Variants in TAF5 observed in about 807,000 individuals in gnomAD.
TAF5 encodes the protein TATA-box binding protein associated factor 5.
A neutral mutation model predicts 80.9 loss-of-function variants in TAF5; 20 were observed. That is an observed-to-expected ratio of 0.25 (90% confidence interval 0.17 to 0.36). The LOEUF is 0.36. Ranked by LOEUF, TAF5 falls within the 10% of genes least tolerant of loss-of-function variation. The pLI, the probability that TAF5 is intolerant of heterozygous loss-of-function variation, is 1.00. For synonymous variants in TAF5, 388 were observed against 406.4 expected (o/e 0.95, Z 0.55); for missense variants, 863 against 1,029.4 (o/e 0.84, Z 2.21).
intron 1 of TAF5, among the ~76,000 whole-genome samples, chr10:103,369,013 C>T (rs2093352742): frequency 2.0e-5 from 3 of 146,942 alleles, no homozygotes; most frequent in South Asian, 2.1e-4. Context: ...GAAACTTGCT[C>T]TGTTGCCCAG....
chr10:103,384,953 T>G (rs1052274506), intron 7 of TAF5, among the ~76,000 whole-genome samples: 1 of 152,222 alleles, frequency 6.6e-6, no homozygotes, highest in African/African-American at 2.4e-5. Context: ...CAAAAATTGT[T>G]GAGTTTTAAG....
intron 7 of TAF5, 26 bp from the exon 8 acceptor site, chr10:103,385,300 A>G (rs765417037): frequency 1.3e-6 from 2 of 1,586,420 alleles, no homozygotes; most frequent in South Asian, 2.3e-5. Flanking sequence ...TCTGGGAGTC[A>G]AATATATCAC....
At chr10:103,370,985 A>T (rs567301402) in intron 1 of TAF5, among the ~76,000 whole-genome samples, 1 of 152,286 alleles carries the variant, frequency 6.6e-6, no homozygotes, top group African/African-American at 2.4e-5. Flanking sequence ...TCACGCCTGT[A>T]GTCCCAGCAC....
Position 103,388,862 on chromosome 10 carries a change from T to G in TAF5, c.*639T>G, listed in dbSNP as rs2093404590. 1 of 152,962 alleles carries G rather than the reference T, an allele frequency of 6.5e-6. No homozygotes were observed. The highest frequency in any genetic ancestry group is 1.9e-4 in the East Asian group (1 of 5,206). 9.5% of individuals were successfully genotyped at this position (152,962 alleles called of 1,614,324 possible). A position where few individuals can be genotyped will look rare whatever the true frequency, so the allele number is the denominator to read the frequency against. ...AGAAATTTAGCTTCCATGTTCTACT[T>G]CAGCTAAAACAGCTACATACAACCT... is the stretch of plus-strand genomic sequence containing the variant. On this transcript the variant is annotated 3_prime_UTR_variant, in exon 11 of 11. Coordinates refer to ENST00000369839, the MANE Select transcript of TAF5 (RefSeq NM_006951.5).
chr10:103,371,267 G>A (rs2093359087), intron 1 of TAF5, among the ~76,000 whole-genome samples: 1 of 151,632 alleles, frequency 6.6e-6, no homozygotes, highest in Admixed American at 6.6e-5. Context: ...AAAAGAGAGA[G>A]GAATCTTTTT....
rs756613249 is a variant in TAF5 at position 103,378,191 on chromosome 10, T to G, written c.798-44T>G. The G allele has an allele frequency of 6.4e-7, 1 of 1,551,424 alleles. No individual in the cohort carries two copies. The highest frequency in any genetic ancestry group is 8.8e-7 in the Non-Finnish European group (1 of 1,137,324). Reference sequence around the variant, plus strand: ...GTATATGGGGGAAAGGCAGATCCCTTAATGATTACATTGAAAAATGACTTT... The same window carrying G: ...GTATATGGGGGAAAGGCAGATCCCTGAATGATTACATTGAAAAATGACTTT... On this transcript the variant is annotated intron_variant, in intron 2 of 10. Transcript: ENST00000369839. This position sits in a 1 kb window ranked among gnomAD's most constrained non-coding sequence, Gnocchi z 4.1.
In TAF5 at chr10:103,388,771, A is replaced by G. The variant is rs1187063103; in HGVS notation, c.*548A>G. 2.6e-5 allele frequency: 4 copies of G among 153,174 alleles called. No homozygotes were observed. The highest frequency in any genetic ancestry group is 9.7e-5 in the African/African-American group (4 of 41,434). 9.5% of individuals were successfully genotyped at this position (153,174 alleles called of 1,614,324 possible). A position where few individuals can be genotyped will look rare whatever the true frequency, so the allele number is the denominator to read the frequency against. ...AGATCTAGAGGAAGTACAGCCACCC[A>G]CTGACATCTGAATTTATATACCTGT... On this transcript the variant is annotated 3_prime_UTR_variant, in exon 11 of 11. Coordinates refer to ENST00000369839, the MANE Select transcript of TAF5 (RefSeq NM_006951.5).
rs2093387632 is a variant in TAF5 at position 103,383,341 on chromosome 10, C to T, written c.1638C>T (p.Val546=). Residue 546 remains valine, a synonymous_variant, in exon 7 of 11, where the codon GTC becomes GTT. Transcript: ENST00000369839. ...TTTTGTATGGTCACAGTGGGCCTGT[C>T]TACGGAGCCAGCTTCAGTCCGGATA... ...LKILYGHSGP[V]YGASFSPDRN... The T allele has an allele frequency of 1.2e-6, 2 of 1,600,134 alleles. No individual in the cohort carries two copies. Among genetic ancestry groups the T allele is most frequent in the Non-Finnish European group, 1.7e-6 (2 of 1,176,256 alleles).
chr10:103,382,559 G>A (rs1448749802), intron 6 of TAF5, among the ~76,000 whole-genome samples: 3 of 151,500 alleles, frequency 2.0e-5, no homozygotes, highest in Admixed American at 6.6e-5. Context: ...CTCCACACCC[G>A]GCCTGAAATA....
chr10:103,385,214 T>G (rs958004158), intron 7 of TAF5, 112 bp from the exon 8 acceptor site: 1 of 805,944 alleles, frequency 1.2e-6, no homozygotes. Context: ...TTAGGTATAT[T>G]TAATATAGTC....
chr10:103,369,305 C>G (rs1247782155), intron 1 of TAF5, among the ~76,000 whole-genome samples: 1 of 149,916 alleles, frequency 6.7e-6, no homozygotes, highest in African/African-American at 2.5e-5. Flanking sequence ...TTGTAACAGT[C>G]CTGCACATCA....
chr10:103,381,603 A>G (rs2093383065), intron 5 of TAF5, 118 bp from the exon 6 acceptor site: 1 of 1,156,754 alleles, frequency 8.6e-7, no homozygotes. Context: ...GTCTTTATAT[A>G]TTCCTTAAAA....
chr10:103,378,431 A>G lies in TAF5; in HGVS notation c.994A>G (p.Ile332Val). Residue 332 changes from isoleucine (I) to valine (V), a missense_variant, in exon 3 of 11, where the codon ATA becomes GTA. This residue lies in a region of TAF5 where 128 missense variants were observed against 232.2 expected (regional missense o/e 0.55). Coordinates refer to ENST00000369839, the MANE Select transcript of TAF5 (RefSeq NM_006951.5). The surrounding 1 kb of genome is among the most constrained non-coding windows in gnomAD (Gnocchi z 4.1). Reference protein sequence around the residue: ...QEKQNNQIWNIVQEHLYIDIF... With the variant: ...QEKQNNQIWNVVQEHLYIDIF... ...GAAACAGAACAATCAGATATGGAAC[A>G]TAGTTCAGGAGCACCTCTACATTGA... The G allele has an allele frequency of 6.2e-7, 1 of 1,614,206 alleles. No homozygotes were observed.
intron 1 of TAF5, among the ~76,000 whole-genome samples, chr10:103,372,510 G>C (rs1218071000): frequency 1.4e-5 from 2 of 148,144 alleles, no homozygotes; most frequent in Non-Finnish European, 3.0e-5. Flanking sequence ...AATTTTTTGT[G>C]TTTTTAGTAG....
At position 103,376,780 on chromosome 10, in the gene TAF5, C is replaced by A. The variant is rs189657784; in HGVS notation, c.798-1455C>A. 6.1e-3 allele frequency among the ~76,000 whole-genome samples: 936 copies of A among 152,290 alleles called. 8 individuals are homozygous for A. Among genetic ancestry groups the A allele is most frequent in the African/African-American group, 0.022 (895 of 41,542 alleles). ...AAAAATTGAGCCGGGCATGGTGGCT[C>A]ATGCCTGTAATCCCACACTTTGAGA... On this transcript the variant is annotated intron_variant, in intron 2 of 10. Coordinates refer to ENST00000369839, the MANE Select transcript of TAF5 (RefSeq NM_006951.5).
At chr10:103,384,191 A>G (rs1291419394) in intron 7 of TAF5, among the ~76,000 whole-genome samples, 1 of 152,154 alleles carries the variant, frequency 6.6e-6, no homozygotes, top group Non-Finnish European at 1.5e-5. Context: ...GGAAATTCAA[A>G]ATTGGTTTGC....
intron 1 of TAF5, 39 bp from the exon 2 acceptor site, chr10:103,373,319 A>G (rs1345667658): frequency 6.4e-7 from 1 of 1,558,210 alleles, no homozygotes; most frequent in Non-Finnish European, 8.8e-7. Context: ...CATGGTCATA[A>G]TAGGTCATTT....
chr10:103,372,404 G>A (rs1255339288), intron 1 of TAF5, among the ~76,000 whole-genome samples: 1 of 150,658 alleles, frequency 6.6e-6, no homozygotes, highest in Non-Finnish European at 1.5e-5. Flanking sequence ...GCGCGATCTC[G>A]GCTCACTGCA....
chr10:103,384,811 G>A (rs1408110635), intron 7 of TAF5, among the ~76,000 whole-genome samples: 1 of 151,992 alleles, frequency 6.6e-6, no homozygotes, highest in Non-Finnish European at 1.5e-5. Flanking sequence ...AATCTTTTGT[G>A]TTTATGCTTG....
Sources: allele counts gnomAD v4.1 joint callset (sites outside exome capture counted in the v4.1 genomes callset), GRCh38; gene constraint gnomAD v4.1.1; regional missense constraint gnomAD v4.1.1; non-coding constraint Gnocchi (gnomAD v3.1); transcripts MANE v1.5; gene names NCBI Gene and HGNC (gene_info 2026-07-23, HGNC 2026-07-21).